WDFY4: variants seen among roughly 807,000 people sequenced by gnomAD.
The protein encoded by WDFY4 is WD repeat- and FYVE domain-containing protein 4.
WDFY4 carries 169 observed loss-of-function variants against 351.9 expected under a neutral mutation model. That is an observed-to-expected ratio of 0.48 (90% confidence interval 0.42 to 0.55). WDFY4 has a LOEUF of 0.55. Among genes scored for constraint, WDFY4 ranks in the 20% least tolerant of loss-of-function variants. WDFY4 has a pLI of 0.00. For missense variants in WDFY4, 3,803 were observed against 3,935.6 expected, an observed-to-expected ratio of 0.97 and a Z score of 0.90; for synonymous variants, 1,622 against 1,574.6, an observed-to-expected ratio of 1.03 and a Z score of -0.71.
At chr10:48,761,567 CA>C (rs1342272761) in intron 13 of WDFY4, among the ~76,000 whole-genome samples, 3 of 152,108 alleles carry the variant, frequency 2.0e-5, no homozygotes, top group Non-Finnish European at 2.9e-5. Context: ...AATGGAGAGA[CA>C]AAGAGCCAAG....
chr10:48,897,121 G>A (rs923267711), intron 44 of WDFY4, among the ~76,000 whole-genome samples: 3 of 152,102 alleles, frequency 2.0e-5, no homozygotes, highest in African/African-American at 2.4e-5. Context: ...TTCTCACCCC[G>A]ACCCTCATAC....
intron 51 of WDFY4, among the ~76,000 whole-genome samples, chr10:48,953,377 A>G (rs1317647109): frequency 6.7e-6 from 1 of 149,426 alleles, no homozygotes; most frequent in Non-Finnish European, 1.5e-5. Flanking sequence ...TTTCACACCA[A>G]CAGCTATCAT....
intron 1 of WDFY4, among the ~76,000 whole-genome samples, chr10:48,699,024 G>T (rs17698635): frequency 0.16 from 24,489 of 152,182 alleles, 2,513 homozygotes; most frequent in Non-Finnish European, 0.23. Flanking sequence ...GGCCCGTGCA[G>T]CCCCAGAAAG....
Position 48,786,842 on chromosome 10 carries a change from T to C in WDFY4, c.3780T>C (p.Cys1260=), listed in dbSNP as rs759451747. The C allele has an allele frequency of 5.8e-6, 9 of 1,552,124 alleles. No individual in the cohort carries two copies. The highest frequency in any genetic ancestry group is 7.8e-6 in the Non-Finnish European group (9 of 1,147,070). The change falls in exon 20 of 62, where the codon TGT becomes TGC. Residue 1260 remains cysteine, a synonymous_variant. Transcript: ENST00000325239. The stretch of plus-strand genomic sequence containing the variant: ...TTAACAAACTTGGCCCAAGATATTG[T>C]GGTAACTTCCAAGCTGTGCATGTCC... ...EVINKLGPRY[C]GNFQAVHVQG...
chr10:48,853,650 C>T (rs1286642643), intron 39 of WDFY4, among the ~76,000 whole-genome samples: 1 of 152,196 alleles, frequency 6.6e-6, no homozygotes, highest in Non-Finnish European at 1.5e-5. Context: ...TCAAAAAATG[C>T]TAAAATTAGA....
rs138667144 is a variant in WDFY4, at chr10:48,746,752, T to A, written c.2459+3204T>A. Among the ~76,000 whole-genome samples, 123 of 152,332 alleles carry A rather than the reference T, an allele frequency of 8.1e-4. 2 individuals are homozygous for A. In the East Asian group the frequency reaches 0.021, roughly 26 times the overall value. On this transcript the variant is annotated intron_variant, in intron 12 of 61. Transcript: ENST00000325239. Reference sequence around the variant, plus strand: ...TTGCCCTAGAGTGAATTAACAGGCATACTCATGTTTTTAGTTAAACAGTAT... The same window carrying A: ...TTGCCCTAGAGTGAATTAACAGGCAAACTCATGTTTTTAGTTAAACAGTAT...
rs1225443086 is a variant in WDFY4 at position 48,966,494 on chromosome 10, C to G, written c.8437-32C>G. The G allele has an allele frequency of 9.7e-6, 15 of 1,540,648 alleles. No individual in the cohort carries two copies. The East Asian group carries it at 3.7e-4, about 38-fold the overall frequency. On this transcript the variant is annotated intron_variant, in intron 54 of 61. Transcript: ENST00000325239. Reference sequence around the variant, plus strand: ...ACGACCCCTCCTCTGGGCATCTCTCCCCTCATGTGTGTCTGTTCCCTGTCT... The same window carrying G: ...ACGACCCCTCCTCTGGGCATCTCTCGCCTCATGTGTGTCTGTTCCCTGTCT...
intron 24 of WDFY4, among the ~76,000 whole-genome samples, chr10:48,798,052 C>T (rs555583419): frequency 3.9e-5 from 6 of 152,086 alleles, no homozygotes; most frequent in African/African-American, 1.4e-4. Flanking sequence ...CGAACTTGAA[C>T]CAGAAGTGAC....
chr10:48,817,383 G>A lies in WDFY4; in HGVS notation c.5479G>A (p.Ala1827Thr). ...GGAGTTCCTCCAGACCTTGGCCATA[G>A]CCGCCTTCCCCCTGGGAGCCCAAAA... ...APEFLQTLAI[A>T]AFPLGAQKGV... Residue 1827 changes from alanine to threonine, a missense_variant, in exon 32 of 62, where the codon GCC becomes ACC. By Grantham distance (58) the Ala-to-Thr change is moderately conservative. Around this residue, in one of 3 missense-constraint regions of WDFY4, gnomAD observed 3,054 missense variants for 3,148.6 expected, o/e 0.97. Coordinates refer to ENST00000325239, the MANE Select transcript of WDFY4 (RefSeq NM_001394531.1). 1 of 1,551,216 alleles carries A rather than the reference G, an allele frequency of 6.4e-7. No individual in the cohort carries two copies. The highest frequency in any genetic ancestry group is 1.2e-5 in the South Asian group (1 of 84,042).
chr10:48,739,409 G>A (rs948014579), intron 11 of WDFY4, among the ~76,000 whole-genome samples: 5 of 152,120 alleles, frequency 3.3e-5, no homozygotes, highest in Admixed American at 1.3e-4. Context: ...ACTCCCCTCC[G>A]CAGACTGAAA....
intron 1 of WDFY4, among the ~76,000 whole-genome samples, chr10:48,687,049 T>G (rs958375865): frequency 4.6e-5 from 7 of 152,220 alleles, no homozygotes; most frequent in African/African-American, 1.7e-4. Context: ...GGTACTGTAT[T>G]TCTGCCAATC....
intron 12 of WDFY4, among the ~76,000 whole-genome samples, chr10:48,744,302 GAC>G (rs2064945005): frequency 6.6e-6 from 1 of 152,174 alleles, no homozygotes; most frequent in African/African-American, 2.4e-5. Flanking sequence ...CCTTCTGAAA[GAC>G]ACTGCATTTT....
Position 48,721,419 on chromosome 10 carries a change from G to C in WDFY4, c.456+52G>C, listed in dbSNP as rs948775593. 7 of 1,517,718 alleles carry C rather than the reference G, an allele frequency of 4.6e-6. No homozygotes were observed. In the African/African-American group the frequency reaches 9.7e-5, roughly 21 times the overall value. The allele number at this position is 1,517,718 out of a possible 1,614,324, so 94.0% of individuals were successfully genotyped here. ...CCTGGGCACTGCTCATCTAGGTGCA[G>C]AGGGAGGTCCAGCACAGGGTGGTGG... On this transcript the variant is annotated intron_variant, in intron 4 of 61. Transcript: ENST00000325239.
intron 1 of WDFY4, among the ~76,000 whole-genome samples, chr10:48,688,944 G>A (rs1019570521): frequency 2.9e-4 from 44 of 152,306 alleles, no homozygotes; most frequent in African/African-American, 9.4e-4. Flanking sequence ...AGATTTGGAA[G>A]GTGGAAGTAG....
chr10:48,736,361 CATGGGGAACTGCATA>C (rs1409480130), intron 11 of WDFY4: 1 of 594,630 alleles, frequency 1.7e-6, no homozygotes, highest in African/African-American at 1.9e-5. Flanking sequence ...GAAGAGAGAC[CATGGGGAACTGCATA>C]AGGCATTTTC....
chr10:48,828,671 G>A, intron 36 of WDFY4, 107 bp from the exon 37 acceptor site: 1 of 665,566 alleles, frequency 1.5e-6, no homozygotes, highest in Non-Finnish European at 2.4e-6. Flanking sequence ...TTTCCATATT[G>A]ATATAGATAA....
At chr10:48,871,100 A>AT (rs1289386334) in intron 40 of WDFY4, among the ~76,000 whole-genome samples, 1 of 151,802 alleles carries the variant, frequency 6.6e-6, no homozygotes, top group African/African-American at 2.4e-5. Flanking sequence ...CGCCTAGCTA[A>AT]TTTTTTTGTA....
chr10:48,914,056 A>T, intron 47 of WDFY4: 1 of 1,614,208 alleles, frequency 6.2e-7, no homozygotes, highest in Admixed American at 1.7e-5. Context: ...ATCTTGCTCA[A>T]GTCAAGGCGC....
In WDFY4 at chr10:48,776,771, T is replaced by C. The variant is rs2132632432; in HGVS notation, c.2885T>C (p.Leu962Ser). The C allele has an allele frequency of 6.5e-7, 1 of 1,549,626 alleles. No homozygotes were observed. The highest frequency in any genetic ancestry group is 1.2e-5 in the South Asian group (1 of 83,908). Residue 962 changes from leucine (L) to serine (S), a missense_variant, in exon 16 of 62, where the codon TTG (leucine) becomes TCG (serine). Coordinates refer to ENST00000325239, the MANE Select transcript of WDFY4 (RefSeq NM_001394531.1). ...CTAGGGTCACAGACTGCACAGGGCT[T>C]GGCTGAGGGGCCCTGGCCAGCTGCC... ...GCSGSQTAQG[L>S]AEGPWPAAPD...
Sources: gnomAD v4.1 joint callset for allele counts (sites outside exome capture counted in the v4.1 genomes callset) on GRCh38, gnomAD v4.1.1 for gene constraint, gnomAD v4.1.1 regional missense constraint, MANE v1.5 for transcripts, NCBI Gene and HGNC (gene_info 2026-07-23, HGNC 2026-07-21) for gene names.